RYR2: variants seen among roughly 807,000 people sequenced by gnomAD.
RYR2 encodes the protein cardiac muscle ryanodine receptor-calcium release channel.
Under a neutral mutation model 601.1 loss-of-function variants are expected in RYR2, and 227 were observed. The ratio of observed to expected loss-of-function variants is 0.38; its 90% confidence interval spans 0.34 to 0.42. The LOEUF (loss-of-function observed/expected upper bound fraction) is 0.42. Ranked by LOEUF, RYR2 falls within the 10% of genes least tolerant of loss-of-function variation. RYR2 has a pLI of 1.00. For synonymous variants in RYR2, 2,223 were observed against 2,175.1 expected (o/e 1.02, Z -0.61); for missense variants, 4,646 against 6,156.5 (o/e 0.75, Z 8.21).
At chr1:237,059,131 G>A (rs1304021679) in intron 1 of RYR2, among the ~76,000 whole-genome samples, 3 of 152,060 alleles carry the variant, frequency 2.0e-5, no homozygotes, top group African/African-American at 2.4e-5. Context: ...CACACAGTAG[G>A]GAGGGAACAG....
chr1:237,421,067 C>T (rs1705515582), intron 11 of RYR2, among the ~76,000 whole-genome samples: 2 of 152,096 alleles, frequency 1.3e-5, no homozygotes, highest in African/African-American at 2.4e-5. Context: ...GATGAAACCC[C>T]GTCTCTACTG....
At chr1:237,146,837 AAG>A (rs1481675552) in intron 1 of RYR2, among the ~76,000 whole-genome samples, 33 of 152,166 alleles carry the variant, frequency 2.2e-4, no homozygotes, top group Admixed American at 3.9e-4. Flanking sequence ...CTTTTTAAAA[AAG>A]AGATTATAGT....
chr1:237,473,480 G>GTTCTTT (rs1661021146), intron 17 of RYR2, among the ~76,000 whole-genome samples: 1 of 47,608 alleles, frequency 2.1e-5, no homozygotes, highest in African/African-American at 8.4e-5. Flanking sequence ...TATCTATCTG[G>GTTCTTT]CATATATGTA....
At chr1:237,589,347 G>A (rs959266556) in intron 29 of RYR2, among the ~76,000 whole-genome samples, 33 of 152,210 alleles carry the variant, frequency 2.2e-4, no homozygotes, top group African/African-American at 7.5e-4. Flanking sequence ...ACTGTGTCTG[G>A]TGTTAGTATG....
chr1:237,225,335 A>C (rs1012549642), intron 1 of RYR2, among the ~76,000 whole-genome samples: 4 of 152,182 alleles, frequency 2.6e-5, no homozygotes, highest in Admixed American at 2.6e-4. Flanking sequence ...GATGCCCAAG[A>C]CTGGGTAATT....
At position 237,496,587 on chromosome 1, in the gene RYR2, G is replaced by A. The variant is rs794728727; in HGVS notation, c.2038G>A (p.Asp680Asn). Residue 680 changes from aspartate (D) to asparagine (N), a missense_variant, in exon 20 of 105, where the codon GAC (aspartate) becomes AAC (asparagine). Physicochemically the swap from Asp to Asn is conservative, Grantham distance 23. Coordinates refer to ENST00000366574, the MANE Select transcript of RYR2 (RefSeq NM_001035.3). ...GAAATGGTACTATGAATTGATGGTG[G>A]ACCACACAGAGCCCTTTGTGACAGC... ...YKKWYYELMV[D>N]HTEPFVTAEA... 16 of 1,613,968 alleles carry A rather than the reference G, an allele frequency of 9.9e-6. No individual in the cohort carries two copies. Among genetic ancestry groups the A allele is most frequent in the Non-Finnish European group, 1.4e-5 (16 of 1,179,904 alleles).
At chr1:237,054,233 T>C (rs886775175) in intron 1 of RYR2, among the ~76,000 whole-genome samples, 2 of 145,582 alleles carry the variant, frequency 1.4e-5, no homozygotes, top group African/African-American at 2.5e-5. Flanking sequence ...CTTCCCTCCT[T>C]CTCTCCCTCC....
At chr1:237,218,884 G>A (rs966227694) in intron 1 of RYR2, among the ~76,000 whole-genome samples, 4 of 152,008 alleles carry the variant, frequency 2.6e-5, no homozygotes, top group African/African-American at 9.7e-5. Context: ...GTAAGTAAGA[G>A]ATGCTTATTT....
intron 3 of RYR2, among the ~76,000 whole-genome samples, chr1:237,352,535 A>G (rs1399327729): frequency 6.6e-6 from 1 of 152,182 alleles, no homozygotes; most frequent in Admixed American, 6.5e-5. Context: ...TTGATCAGGT[A>G]GATCAATGCA....
chr1:237,705,209 A>G lies in RYR2; in HGVS notation c.9450-4A>G, dbSNP rs1006436726. On this transcript the variant is annotated splice_region_variant and splice_polypyrimidine_tract_variant and intron_variant, in intron 66 of 104. Transcript: ENST00000366574. ...CTTAAAACATAAGCATTTTCCACTT[A>G]TAGGCAACGTTCTGCATTAGGAGAA... is the stretch of plus-strand genomic sequence containing the variant. The G allele has an allele frequency of 6.2e-7, 1 of 1,606,136 alleles. No homozygotes were observed. Among genetic ancestry groups the G allele is most frequent in the African/African-American group, 1.3e-5 (1 of 74,882 alleles).
intron 12 of RYR2, among the ~76,000 whole-genome samples, chr1:237,437,360 G>T (rs1707506926): frequency 6.6e-6 from 1 of 152,076 alleles, no homozygotes; most frequent in African/African-American, 2.4e-5. Context: ...CCACATCTGG[G>T]TCTATTTTAA....
At chr1:237,116,957 G>A (rs1026514604) in intron 1 of RYR2, among the ~76,000 whole-genome samples, 8 of 152,120 alleles carry the variant, frequency 5.3e-5, no homozygotes, top group African/African-American at 1.2e-4. Flanking sequence ...CCCAGAAATC[G>A]TGTTTAATCT....
chr1:237,811,921 C>T (rs1179821824), intron 100 of RYR2, among the ~76,000 whole-genome samples: 1 of 152,170 alleles, frequency 6.6e-6, no homozygotes, highest in Non-Finnish European at 1.5e-5. Flanking sequence ...GTTGTTCATC[C>T]ATAAACTTAA....
Position 237,273,095 on chromosome 1 carries a change from A to G in RYR2, c.168+2479A>G, listed in dbSNP as rs566489592. On this transcript the variant is annotated intron_variant, in intron 2 of 104. Transcript: ENST00000366574. ...TTCTATTATTATTACATTGTAATAT[A>G]TAATAAATTCTAGAACTCACCATAA... 4.6e-5 allele frequency among the ~76,000 whole-genome samples: 7 copies of G among 152,252 alleles called. No individual in the cohort carries two copies. The South Asian group carries it at 1.4e-3, about 32-fold the overall frequency.
intron 1 of RYR2, chr1:237,120,663 T>C (rs1245621823): frequency 6.6e-6 from 1 of 152,224 alleles, no homozygotes; most frequent in East Asian, 1.9e-4. Flanking sequence ...CCTACCCTCC[T>C]AGGTTTGTGG....
intron 101 of RYR2, among the ~76,000 whole-genome samples, chr1:237,826,416 C>T (rs927537379): frequency 6.6e-6 from 1 of 152,126 alleles, no homozygotes; most frequent in Non-Finnish European, 1.5e-5. Context: ...AACACAAGAA[C>T]AGAAAACCAA....
chr1:237,688,607 A>G (rs1240029960), intron 63 of RYR2, among the ~76,000 whole-genome samples: 1 of 152,148 alleles, frequency 6.6e-6, no homozygotes, highest in African/African-American at 2.4e-5. Context: ...TTACATTAAT[A>G]TTTCAGTTAT....
intron 8 of RYR2, among the ~76,000 whole-genome samples, chr1:237,382,898 C>G (rs971263603): frequency 1.4e-5 from 2 of 148,000 alleles, no homozygotes; most frequent in African/African-American, 5.1e-5. Context: ...TATTTCTCTG[C>G]CCCTCATTTG....
intron 80 of RYR2, among the ~76,000 whole-genome samples, chr1:237,744,365 T>G (rs977692721): frequency 9.5e-6 from 1 of 105,668 alleles, no homozygotes; most frequent in Non-Finnish European, 2.3e-5. Flanking sequence ...AAAAAAAAGC[T>G]TTTTAGGTGG....
Sources: allele counts gnomAD v4.1 joint callset (sites outside exome capture counted in the v4.1 genomes callset), GRCh38; gene constraint gnomAD v4.1.1; transcripts MANE v1.5; gene names NCBI Gene and HGNC (gene_info 2026-07-23, HGNC 2026-07-21).